CSN1S1: variants seen among roughly 807,000 people sequenced by gnomAD.
The protein encoded by CSN1S1 is casein alpha s1.
CSN1S1 carries 63 observed loss-of-function variants against 49.1 expected under a neutral mutation model. The ratio of observed to expected loss-of-function variants is 1.28; its 90% confidence interval spans 1.05 to 1.58. The LOEUF (loss-of-function observed/expected upper bound fraction) is 1.58. CSN1S1 is among the 40% of genes most tolerant of loss of function. CSN1S1 has a pLI of 0.00. For synonymous variants in CSN1S1, 78 were observed against 67.1 expected (o/e 1.16, Z -0.79); for missense variants, 260 against 224.7 (o/e 1.16, Z -1.01).
chr4:69,936,001 G>T, intron 5 of CSN1S1, 52 bp downstream of exon 5: 1 of 1,388,676 alleles, frequency 7.2e-7, no homozygotes, highest in Non-Finnish European at 1.0e-6. Flanking sequence ...AGAAGTAAGT[G>T]TTAAGATCAG....
chr4:69,932,510 T>C, intron 1 of CSN1S1, 34 bp from the exon 2 acceptor site: 5 of 1,538,614 alleles, frequency 3.2e-6, no homozygotes, highest in African/African-American at 1.4e-5. Flanking sequence ...AACGTAATAA[T>C]ATCTAACTCT....
intron 1 of CSN1S1, among the ~76,000 whole-genome samples, chr4:69,931,981 T>A (rs1445529298): frequency 6.6e-6 from 1 of 151,936 alleles, no homozygotes; most frequent in Non-Finnish European, 1.5e-5. Flanking sequence ...GGCTAGATTC[T>A]TTATTTAAAA....
In CSN1S1 at chr4:69,934,675, T is replaced by TA; in HGVS notation, c.85-14dup. The TA allele has an allele frequency of 6.2e-7, 1 of 1,603,880 alleles. No individual in the cohort carries two copies. Among genetic ancestry groups the TA allele is most frequent in the Non-Finnish European group, 8.5e-7 (1 of 1,171,810 alleles). On this transcript the variant is annotated splice_polypyrimidine_tract_variant and intron_variant, in intron 3 of 15. Coordinates refer to ENST00000246891, the MANE Select transcript of CSN1S1 (RefSeq NM_001890.2). ...AATTGGAATAATACCATTTAAAAAT[T>TA]ATTATTTTTTACAGAATCCATCAGA...
chr4:69,936,098 A>G lies in CSN1S1; in HGVS notation c.129+149A>G, dbSNP rs560441600. ...AACTTAAAAATATTGTTAAATGCAC[A>G]TTTACATACTAGCCTTACACAAAGA... On this transcript the variant is annotated intron_variant, in intron 5 of 15. Transcript: ENST00000246891. 58 of 663,476 alleles carry G rather than the reference A, an allele frequency of 8.7e-5. No individual in the cohort carries two copies. In the African/African-American group the frequency reaches 9.8e-4, roughly 11 times the overall value. 41.1% of individuals were successfully genotyped at this position (663,476 alleles called of 1,614,324 possible). A position where few individuals can be genotyped will look rare whatever the true frequency, so the allele number is the denominator to read the frequency against.
At chr4:69,938,440 C>T (rs189249901) in intron 9 of CSN1S1, among the ~76,000 whole-genome samples, 21 of 124,876 alleles carry the variant, frequency 1.7e-4, no homozygotes, top group Admixed American at 4.2e-4. Flanking sequence ...TGTCAACCCA[C>T]GCCCCTCTCC....
chr4:69,945,025 A>G (rs762889613), intron 15 of CSN1S1, 21 bp downstream of exon 15: 3 of 1,609,728 alleles, frequency 1.9e-6, no homozygotes, highest in African/African-American at 1.3e-5. Context: ...TTAAATTACT[A>G]CATCTTGATG....
chr4:69,934,092 A>T (rs1722693525), intron 2 of CSN1S1, 120 bp from the exon 3 acceptor site: 1 of 624,432 alleles, frequency 1.6e-6, no homozygotes. Context: ...TATTGCTATT[A>T]AAACACATAC....
At chr4:69,932,001 G>C (rs1057048575) in intron 1 of CSN1S1, among the ~76,000 whole-genome samples, 1 of 151,846 alleles carries the variant, frequency 6.6e-6, no homozygotes, top group African/African-American at 2.4e-5. Context: ...AATTGAAAGA[G>C]ATCAATAGCT....
intron 10 of CSN1S1, among the ~76,000 whole-genome samples, chr4:69,939,793 C>T (rs181267879): frequency 2.0e-5 from 3 of 151,774 alleles, no homozygotes; most frequent in South Asian, 2.1e-4. Flanking sequence ...TTCACATCCA[C>T]CCCCAGCATT....
chr4:69,936,370 G>A (rs995186160), intron 5 of CSN1S1, 86 bp from the exon 6 acceptor site: 20 of 986,494 alleles, frequency 2.0e-5, no homozygotes, highest in East Asian at 4.9e-5. Context: ...GTATCAGCAC[G>A]ATGTGAAGTA....
At chr4:69,934,740 C>T in intron 4 of CSN1S1, 30 bp downstream of exon 4, 1 of 1,598,430 alleles carries the variant, frequency 6.3e-7, no homozygotes. Context: ...AGTCAGGATT[C>T]TCTCTTCCTT....
intron 10 of CSN1S1, among the ~76,000 whole-genome samples, 183 bp downstream of exon 10, chr4:69,939,391 A>G (rs1296383559): frequency 1.3e-5 from 2 of 151,726 alleles, no homozygotes; most frequent in African/African-American, 4.8e-5. Flanking sequence ...TTTGTCAGAG[A>G]CAAATTGACA....
intron 4 of CSN1S1, among the ~76,000 whole-genome samples, chr4:69,935,017 TA>T (rs1028410101): frequency 1.3e-5 from 2 of 152,118 alleles, no homozygotes; most frequent in Non-Finnish European, 2.9e-5. Flanking sequence ...TTTGTTCTTC[TA>T]GCTAAGAAAT....
Position 69,931,280 on chromosome 4 carries a change from C to T in CSN1S1, c.-13+163C>T, listed in dbSNP as rs186175502. 8.6e-4 allele frequency among the ~76,000 whole-genome samples: 131 copies of T among 151,958 alleles called. 1 individual carries two copies. Among genetic ancestry groups the T allele is most frequent in the Middle Eastern group, 3.4e-3 (1 of 294 alleles). On this transcript the variant is annotated intron_variant, in intron 1 of 15. Transcript: ENST00000246891. ...AAAATCCTTTTGCAAATTCTGATACCATTTTACAGCTTTAGGTGATGAATC... is the reference window on the plus strand; with the variant it reads ...AAAATCCTTTTGCAAATTCTGATACTATTTTACAGCTTTAGGTGATGAATC...
At chr4:69,939,045 G>T in intron 9 of CSN1S1, 131 bp from the exon 10 acceptor site, 1 of 557,396 alleles carries the variant, frequency 1.8e-6, no homozygotes, top group Non-Finnish European at 3.1e-6. Flanking sequence ...TAGTACGCCT[G>T]AATTTTTCCA....
At chr4:69,940,636 T>C (rs540233885) in intron 11 of CSN1S1, among the ~76,000 whole-genome samples, 1 of 151,840 alleles carries the variant, frequency 6.6e-6, no homozygotes, top group Non-Finnish European at 1.5e-5. Context: ...AAATGTTGGA[T>C]AGCATTTGAA....
At chr4:69,942,455 T>C (rs1723005259) in intron 13 of CSN1S1, 81 bp from the exon 14 acceptor site, 2 of 1,070,068 alleles carry the variant, frequency 1.9e-6, no homozygotes, top group South Asian at 1.4e-5. Flanking sequence ...TGATGTTATG[T>C]ATACTTCTGG....
chr4:69,940,051 C>T lies in CSN1S1; in HGVS notation c.300+7C>T. 7.4e-7 allele frequency: 1 copy of T among 1,358,770 alleles called. No homozygotes were observed. Among genetic ancestry groups the T allele is most frequent in the Non-Finnish European group, 9.9e-7 (1 of 1,006,324 alleles). The allele number at this position is 1,358,770 out of a possible 1,614,324, so 84.2% of individuals were successfully genotyped here. A position where few individuals can be genotyped will look rare whatever the true frequency, so the allele number is the denominator to read the frequency against. On this transcript the variant is annotated splice_region_variant and intron_variant, in intron 11 of 15. Transcript: ENST00000246891. Reference sequence around the variant, plus strand: ...GTCTCTCAGTAAGTGTGCGGTAAGACATATTTGCTAAATTTAAAATATATT... The same window carrying T: ...GTCTCTCAGTAAGTGTGCGGTAAGATATATTTGCTAAATTTAAAATATATT...
At position 69,944,119 on chromosome 4, in the gene CSN1S1, T is replaced by C. The variant is rs1723072026; in HGVS notation, c.403-731T>C. 2.6e-5 allele frequency among the ~76,000 whole-genome samples: 4 copies of C among 152,050 alleles called. No individual in the cohort carries two copies. The South Asian group carries it at 8.3e-4, about 31-fold the overall frequency. On this transcript the variant is annotated intron_variant, in intron 14 of 15. Transcript: ENST00000246891. ...TAGATTTTATATTTGTTTTAATCTT[T>C]ACATAGGCAGGTGTCCACAGCAACA...
Sources: gnomAD v4.1 joint callset for allele counts (sites outside exome capture counted in the v4.1 genomes callset) on GRCh38, gnomAD v4.1.1 for gene constraint, MANE v1.5 for transcripts, NCBI Gene and HGNC (gene_info 2026-07-23, HGNC 2026-07-21) for gene names.